The following HECW2 variants were observed in gnomAD, a reference collection of about 807,000 sequenced individuals.
The protein encoded by HECW2 is E3 ubiquitin-protein ligase HECW2.
Under a neutral mutation model 175.2 loss-of-function variants are expected in HECW2, and 61 were observed. The ratio of observed to expected loss-of-function variants is 0.35; its 90% confidence interval spans 0.28 to 0.43. The LOEUF (loss-of-function observed/expected upper bound fraction) is 0.43, where lower values mean the gene tolerates loss of function less well. Among genes scored for constraint, HECW2 ranks in the 20% least tolerant of loss-of-function variants. HECW2 has a pLI of 1.00. For synonymous variants in HECW2, 671 were observed against 731.0 expected, an observed-to-expected ratio of 0.92 and a Z score of 1.32; for missense variants, 1,524 against 2,000.5, an observed-to-expected ratio of 0.76 and a Z score of 4.54.
chr2:196,274,237 A>G, intron 15 of HECW2, 114 bp from the exon 16 acceptor site: 1 of 710,932 alleles, frequency 1.4e-6, no homozygotes. Context: ...GTACCACTTG[A>G]TCAGAACAGA....
chr2:196,306,359 A>T, intron 13 of HECW2, 129 bp downstream of exon 13: 1 of 983,612 alleles, frequency 1.0e-6, no homozygotes, highest in Non-Finnish European at 1.5e-6. Flanking sequence ...AGTGCTCAAC[A>T]CAAAGCTTGG....
intron 1 of HECW2, among the ~76,000 whole-genome samples, chr2:196,491,536 A>G (rs1228565217): frequency 6.6e-6 from 1 of 151,074 alleles, no homozygotes; most frequent in Non-Finnish European, 1.5e-5. Flanking sequence ...ATATACACAC[A>G]TATATATGTA....
chr2:196,582,748 C>G (rs1690835664), intron 1 of HECW2, among the ~76,000 whole-genome samples: 1 of 152,214 alleles, frequency 6.6e-6, no homozygotes, highest in African/African-American at 2.4e-5. Context: ...TTTCGTTTGG[C>G]ATGAGCTGTT....
At chr2:196,369,381 T>C (rs1044670398) in intron 2 of HECW2, among the ~76,000 whole-genome samples, 1 of 149,810 alleles carries the variant, frequency 6.7e-6, no homozygotes, top group African/African-American at 2.5e-5. Context: ...TCTCTCTCTC[T>C]CACTGATGAG....
intron 3 of HECW2, among the ~76,000 whole-genome samples, chr2:196,340,152 C>A (rs1692694114): frequency 6.6e-6 from 1 of 152,100 alleles, no homozygotes; most frequent in Non-Finnish European, 1.5e-5. Flanking sequence ...AAATACTTTG[C>A]ATTTTCAGGA....
At chr2:196,390,431 A>G (rs1694471249) in intron 2 of HECW2, among the ~76,000 whole-genome samples, 1 of 152,188 alleles carries the variant, frequency 6.6e-6, no homozygotes, top group African/African-American at 2.4e-5. Context: ...ATGATCACTT[A>G]TCGTGACTTT....
Position 196,257,886 on chromosome 2 carries a change from C to A in HECW2, c.3356G>T (p.Arg1119Leu). The change falls in exon 18 of 29, where the codon CGA (arginine) becomes CTA (leucine). Residue 1119 changes from arginine (R) to leucine (L), a missense_variant. Physicochemically the swap from Arg to Leu is moderately radical, Grantham distance 102. Around this residue, in one of 11 missense-constraint regions of HECW2, gnomAD observed 291 missense variants for 412.2 expected, o/e 0.71. Transcript: ENST00000644978. ...HSLREKIQFI[R>L]TEGTPGLVRL... ...CACCAATCCTGGAGTCCCTTCAGTT[C>A]GGATAAATTGGATCTTCTCCCTAAT... 1 of 1,613,802 alleles carries A rather than the reference C, an allele frequency of 6.2e-7. No homozygotes were observed. The highest frequency in any genetic ancestry group is 8.5e-7 in the Non-Finnish European group (1 of 1,179,730).
At chr2:196,578,454 T>A (rs935127659) in intron 1 of HECW2, among the ~76,000 whole-genome samples, 1 of 152,128 alleles carries the variant, frequency 6.6e-6, no homozygotes, top group African/African-American at 2.4e-5. Context: ...TTTTTAAGAT[T>A]AGTGGCCATA....
chr2:196,381,810 T>C (rs1280055544), intron 2 of HECW2, among the ~76,000 whole-genome samples: 1 of 152,132 alleles, frequency 6.6e-6, no homozygotes, highest in Non-Finnish European at 1.5e-5. Context: ...CTGACATTAG[T>C]CTTTAACTAG....
rs747509604 is a variant in HECW2, at chr2:196,319,336, G to C, written c.1554C>G (p.Ala518=). 4 of 1,614,134 alleles carry C rather than the reference G, an allele frequency of 2.5e-6. No homozygotes were observed. Among genetic ancestry groups the C allele is most frequent in the Non-Finnish European group, 3.4e-6 (4 of 1,180,018 alleles). ...LEDNPVENEE[A]STHEAASFED... ...CAAAGGAAGCAGCTTCGTGTGTGGA[G>C]GCTTCCTCATTCTCAACAGGGTTGT... The change falls in exon 9 of 29, where the codon GCC becomes GCG. Residue 518 remains alanine (A), a synonymous_variant. Transcript: ENST00000644978.
At chr2:196,542,687 G>A in intron 1 of HECW2, among the ~76,000 whole-genome samples, 1 of 151,412 alleles carries the variant, frequency 6.6e-6, no homozygotes, top group East Asian at 1.9e-4. Context: ...TATACAAGCA[G>A]GTGGGTATGA....
intron 2 of HECW2, among the ~76,000 whole-genome samples, chr2:196,390,556 C>A (rs535971339): frequency 1.3e-5 from 2 of 152,268 alleles, no homozygotes; most frequent in South Asian, 2.1e-4. Flanking sequence ...TGTCTTTGCT[C>A]ACCTGAAAAA....
chr2:196,274,621 C>T (rs1046607829), intron 15 of HECW2, among the ~76,000 whole-genome samples: 34 of 152,146 alleles, frequency 2.2e-4, no homozygotes, highest in Admixed American at 1.7e-3. Flanking sequence ...TGTGGGGTTT[C>T]GAGTTAGTGT....
At chr2:196,405,858 C>G (rs567974550) in intron 2 of HECW2, among the ~76,000 whole-genome samples, 1 of 152,092 alleles carries the variant, frequency 6.6e-6, no homozygotes. Context: ...AACTTCTACC[C>G]CCACCAATCC....
chr2:196,361,004 T>G (rs1304142497), intron 2 of HECW2, among the ~76,000 whole-genome samples: 1 of 152,218 alleles, frequency 6.6e-6, no homozygotes, highest in African/African-American at 2.4e-5. Flanking sequence ...AGTTGCACCC[T>G]ACATGGCAAT....
chr2:196,260,625 C>T (rs1689252040), intron 17 of HECW2: 1 of 152,186 alleles, frequency 6.6e-6, no homozygotes, highest in Non-Finnish European at 1.5e-5. Context: ...CCGGTCTAAA[C>T]AGTTCTTTAT....
At chr2:196,322,434 A>C (rs763469719) in intron 7 of HECW2, 44 bp downstream of exon 7, 1 of 1,554,944 alleles carries the variant, frequency 6.4e-7, no homozygotes, top group Non-Finnish European at 8.7e-7. Flanking sequence ...TTTTTCCTAT[A>C]TGAACTAATC....
rs978026475 is a variant in HECW2, at chr2:196,307,158, C to T, written c.2661G>A (p.Glu887=). The stretch of plus-strand genomic sequence containing the variant: ...CACTGGCTTGGTGAAAGTCAGCTTC[C>T]TCCCCTGCCCCATCAATAGCATTGG... The part of the protein sequence containing the change: ...ENTNAIDGAG[E]EADFHQASAD... Residue 887 remains glutamate, a synonymous_variant, in exon 12 of 29, where the codon GAG becomes GAA. Coordinates refer to ENST00000644978, the MANE Select transcript of HECW2 (RefSeq NM_001348768.2). 4.3e-6 allele frequency: 7 copies of T among 1,613,732 alleles called. No individual in the cohort carries two copies. The highest frequency in any genetic ancestry group is 1.3e-5 in the African/African-American group (1 of 75,032).
chr2:196,545,972 T>G (rs959840039), intron 1 of HECW2, among the ~76,000 whole-genome samples: 8 of 152,200 alleles, frequency 5.3e-5, no homozygotes, highest in African/African-American at 1.9e-4. Context: ...CAAGTATATA[T>G]CTTTGACTAT....
Sources: allele counts gnomAD v4.1 joint callset (sites outside exome capture counted in the v4.1 genomes callset), GRCh38; gene constraint gnomAD v4.1.1; regional missense constraint gnomAD v4.1.1; transcripts MANE v1.5; gene names NCBI Gene and HGNC (gene_info 2026-07-23, HGNC 2026-07-21).